RAB6B: variants seen among roughly 807,000 people sequenced by gnomAD.
The protein encoded by RAB6B is RAB6B, member RAS oncogene family.
In RAB6B, 7 loss-of-function variants were observed where a neutral mutation model predicts 31.2. The ratio of observed to expected loss-of-function variants is 0.22; its 90% CI spans 0.13 to 0.42. The LOEUF (loss-of-function observed/expected upper bound fraction) is 0.42. Among genes scored for constraint, RAB6B ranks in the 10% least tolerant of loss-of-function variants. RAB6B has a pLI of 1.00. For synonymous variants in RAB6B, 105 were observed against 104.9 expected, an observed-to-expected ratio of 1.00 and a Z score of -0.01; for missense variants, 149 against 280.6, an observed-to-expected ratio of 0.53 and a Z score of 3.35.
At chr3:133,882,477 C>A (rs532210021) in intron 1 of RAB6B, among the ~76,000 whole-genome samples, 1 of 152,320 alleles carries the variant, frequency 6.6e-6, no homozygotes, top group African/African-American at 2.4e-5. Flanking sequence ...CTAAGAGATG[C>A]AGCCTTTACT....
chr3:133,879,660 A>C (rs915556044), intron 1 of RAB6B, among the ~76,000 whole-genome samples: 26 of 152,228 alleles, frequency 1.7e-4, no homozygotes, highest in African/African-American at 6.0e-4. Flanking sequence ...CAATACCTTC[A>C]GGGTTACTTG....
intron 1 of RAB6B, among the ~76,000 whole-genome samples, chr3:133,869,968 C>A (rs1327874381): frequency 6.6e-6 from 1 of 152,188 alleles, no homozygotes; most frequent in Non-Finnish European, 1.5e-5. Context: ...TTGTCTTGAG[C>A]CACTAAGTTT....
At chr3:133,859,248 G>C (rs1375418616) in intron 2 of RAB6B, among the ~76,000 whole-genome samples, 2 of 152,142 alleles carry the variant, frequency 1.3e-5, no homozygotes, top group African/African-American at 4.8e-5. Flanking sequence ...CGAAGTGCTG[G>C]GATTACAGGT....
rs138848801 is a variant in RAB6B, at chr3:133,852,139, C to T, written c.130-10476G>A. Among the ~76,000 whole-genome samples the T allele has an allele frequency of 6.2e-3, 949 of 152,360 alleles. 9 individuals are homozygous for T. The highest frequency in any genetic ancestry group is 9.8e-3 in the Non-Finnish European group (670 of 68,034). On this transcript the variant is annotated intron_variant, in intron 2 of 7. Transcript: ENST00000285208. ...TTGCCAAGCATCAAAGCCAATGGTG[C>T]TCCTGGGATTCCCGGGGCTGCGGGG...
intron 1 of RAB6B, among the ~76,000 whole-genome samples, chr3:133,870,410 C>T (rs1936301616): frequency 6.6e-6 from 1 of 152,196 alleles, no homozygotes; most frequent in Non-Finnish European, 1.5e-5. Context: ...CACTCTGCTA[C>T]AGAATGGCCT....
At chr3:133,881,044 C>T (rs1443874569) in intron 1 of RAB6B, among the ~76,000 whole-genome samples, 1 of 152,204 alleles carries the variant, frequency 6.6e-6, no homozygotes, top group Non-Finnish European at 1.5e-5. Flanking sequence ...TGGACTGAGA[C>T]TGCTGGTCAG....
chr3:133,866,440 A>G (rs1323792166), intron 1 of RAB6B, among the ~76,000 whole-genome samples: 1 of 151,958 alleles, frequency 6.6e-6, no homozygotes. Context: ...GAGAACGCTG[A>G]CCACCACGCC....
At chr3:133,849,683 A>G (rs969231810) in intron 2 of RAB6B, among the ~76,000 whole-genome samples, 31 of 152,166 alleles carry the variant, frequency 2.0e-4, no homozygotes, top group South Asian at 6.2e-4. Flanking sequence ...AAATCCCTTC[A>G]TTTCTGAACC....
At chr3:133,835,098 C>T (rs1359469690) in intron 6 of RAB6B, among the ~76,000 whole-genome samples, 7 of 152,190 alleles carry the variant, frequency 4.6e-5, no homozygotes, top group Non-Finnish European at 1.0e-4. Flanking sequence ...GGTCCGGCGC[C>T]AAGGCAGCGA....
At position 133,895,542 on chromosome 3, in the gene RAB6B, G is replaced by C; in HGVS notation, c.-76C>G. On this transcript the variant is annotated 5_prime_UTR_variant, in exon 1 of 8. Transcript: ENST00000285208. The stretch of plus-strand genomic sequence containing the variant: ...CAGGGAGGGGAGAGTAGGAGGGCGA[G>C]GGGAGGCGGCCGGCGGTGCGGGAGC... 2.0e-6 allele frequency: 3 copies of C among 1,489,550 alleles called. No individual in the cohort carries two copies. In the South Asian group the frequency reaches 3.5e-5, roughly 17 times the overall value. The allele number at this position is 1,489,550 out of a possible 1,614,324, so 92.3% of individuals were successfully genotyped here. A position where few individuals can be genotyped will look rare whatever the true frequency, so the allele number is the denominator to read the frequency against.
chr3:133,842,978 T>A (rs1043095918), intron 2 of RAB6B, among the ~76,000 whole-genome samples: 1 of 152,192 alleles, frequency 6.6e-6, no homozygotes, highest in African/African-American at 2.4e-5. Flanking sequence ...ATAGAAAAGG[T>A]CATATCTCCA....
chr3:133,845,866 G>C (rs1001352062), intron 2 of RAB6B, among the ~76,000 whole-genome samples: 4 of 149,566 alleles, frequency 2.7e-5, no homozygotes, highest in African/African-American at 9.9e-5. Context: ...CTTATAAATA[G>C]GTAAAAAAAA....
chr3:133,866,887 C>G (rs2108005036), intron 1 of RAB6B, among the ~76,000 whole-genome samples: 1 of 152,380 alleles, frequency 6.6e-6, no homozygotes, highest in South Asian at 2.1e-4. Context: ...CTTCCCTAGG[C>G]AGCGACGCTC....
chr3:133,864,563 G>T (rs1249821788), intron 2 of RAB6B, 21 bp downstream of exon 2: 2 of 1,611,074 alleles, frequency 1.2e-6, no homozygotes, highest in Non-Finnish European at 1.7e-6. Flanking sequence ...TGATATGGAG[G>T]GTGAGCACCC....
At position 133,858,235 on chromosome 3, in the gene RAB6B, G is replaced by A. The variant is rs114292844; in HGVS notation, c.129+6349C>T. Among the ~76,000 whole-genome samples, 1,402 of 152,306 alleles carry A rather than the reference G, an allele frequency of 9.2e-3. 9 individuals carry two copies. Among genetic ancestry groups the A allele is most frequent in the South Asian group, 0.029 (142 of 4,826 alleles). The stretch of plus-strand genomic sequence containing the variant: ...AAGACACTTAAGGGCCAAGGAAAAT[G>A]TTTCCATTTTAATTTCTCTTAAAAT... On this transcript the variant is annotated intron_variant, in intron 2 of 7. Transcript: ENST00000285208.
chr3:133,853,661 G>A (rs1429741643), intron 2 of RAB6B, among the ~76,000 whole-genome samples: 1 of 152,098 alleles, frequency 6.6e-6, no homozygotes, highest in African/African-American at 2.4e-5. Flanking sequence ...GTGTTGGCAA[G>A]GTCTGAGTGC....
At chr3:133,885,031 G>C (rs758029314) in intron 1 of RAB6B, among the ~76,000 whole-genome samples, 1 of 149,580 alleles carries the variant, frequency 6.7e-6, no homozygotes, top group Admixed American at 6.7e-5. Context: ...CAGAGGATGG[G>C]GGGCTCACAC....
chr3:133,848,720 C>T (rs1055831343), intron 2 of RAB6B, among the ~76,000 whole-genome samples: 5 of 151,982 alleles, frequency 3.3e-5, no homozygotes, highest in Admixed American at 2.0e-4. Context: ...GAGGGTGAAG[C>T]CCTCATTACC....
intron 1 of RAB6B, among the ~76,000 whole-genome samples, chr3:133,881,279 G>C (rs1262158393): frequency 6.6e-6 from 1 of 152,194 alleles, no homozygotes; most frequent in Non-Finnish European, 1.5e-5. Context: ...CTTATCAGAG[G>C]AGATGTGAAG....
Sources: allele counts gnomAD v4.1 joint callset (sites outside exome capture counted in the v4.1 genomes callset), GRCh38; gene constraint gnomAD v4.1.1; transcripts MANE v1.5; gene names NCBI Gene and HGNC (gene_info 2026-07-23, HGNC 2026-07-21).